The following SPAG6 variants were observed in gnomAD, a reference collection of about 807,000 sequenced individuals.
SPAG6 encodes the protein sperm associated antigen 6, also known as sperm-associated antigen 6.
A neutral mutation model predicts 58.5 loss-of-function variants in SPAG6; 49 were observed. The ratio of observed to expected loss-of-function variants is 0.84; its 90% CI spans 0.67 to 1.06. SPAG6 has a LOEUF of 1.06. Among genes scored for constraint, SPAG6 ranks in the 50% least tolerant of loss-of-function variants. The pLI, the probability that SPAG6 is intolerant of heterozygous loss-of-function variation, is 0.00. For missense variants in SPAG6, 560 were observed against 611.3 expected, an observed-to-expected ratio of 0.92 and a Z score of 0.89; for synonymous variants, 233 against 225.6, an observed-to-expected ratio of 1.03 and a Z score of -0.29.
chr10:22,362,145 G>GTA (rs1048598560), intron 2 of SPAG6, among the ~76,000 whole-genome samples: 4 of 141,686 alleles, frequency 2.8e-5, no homozygotes, highest in African/African-American at 1.0e-4. Context: ...TTTATTTTAT[G>GTA]TATATATATT....
chr10:22,414,648 A>G (rs996700770), intron 10 of SPAG6, among the ~76,000 whole-genome samples: 2 of 152,204 alleles, frequency 1.3e-5, no homozygotes, highest in Non-Finnish European at 2.9e-5. Context: ...AATTTTTAAT[A>G]TTGAATTTAA....
At chr10:22,408,875 T>G (rs1834637725) in intron 9 of SPAG6, among the ~76,000 whole-genome samples, 1 of 152,194 alleles carries the variant, frequency 6.6e-6, no homozygotes, top group South Asian at 2.1e-4. Flanking sequence ...AAGCACAGTA[T>G]TTGGGTGGGA....
chr10:22,402,139 C>T lies in SPAG6; in HGVS notation c.1314+862C>T, dbSNP rs1414689665. ...AATTAGAGTACTTATTTCATAGGGT[C>T]ATTGTAAAGAGTAAATGAGATATTG... is the stretch of plus-strand genomic sequence containing the variant. On this transcript the variant is annotated intron_variant, in intron 9 of 10. Coordinates refer to ENST00000376624, the MANE Select transcript of SPAG6 (RefSeq NM_012443.4). Among the ~76,000 whole-genome samples, 3 of 152,080 alleles carry T rather than the reference C, an allele frequency of 2.0e-5. No individual in the cohort carries two copies. In the South Asian group the frequency reaches 6.2e-4, roughly 32 times the overall value.
chr10:22,390,560 A>G (rs536602808), intron 7 of SPAG6, among the ~76,000 whole-genome samples: 1 of 152,318 alleles, frequency 6.6e-6, no homozygotes, highest in South Asian at 2.1e-4. Flanking sequence ...CTTTACATTT[A>G]AATAGTAATT....
chr10:22,408,952 C>G (rs916525434), intron 9 of SPAG6, among the ~76,000 whole-genome samples: 7 of 152,214 alleles, frequency 4.6e-5, no homozygotes, highest in African/African-American at 1.7e-4. Flanking sequence ...CTCCCTGACC[C>G]CTTGCGCTTC....
chr10:22,394,148 T>A (rs1048940571), intron 8 of SPAG6, among the ~76,000 whole-genome samples: 1 of 152,242 alleles, frequency 6.6e-6, no homozygotes, highest in African/African-American at 2.4e-5. Context: ...CAAGTTCTTA[T>A]GAAATGTATG....
At chr10:22,384,896 A>T (rs544105382) in intron 4 of SPAG6, among the ~76,000 whole-genome samples, 7 of 152,264 alleles carry the variant, frequency 4.6e-5, no homozygotes, top group Non-Finnish European at 8.8e-5. Context: ...GATAGATAAT[A>T]GATGTTTTTT....
At position 22,345,882 on chromosome 10, in the gene SPAG6, C is replaced by T; in HGVS notation, c.121+64C>T. ...CTGAGTCCCCGACGCCTCCGCCCCG[C>T]TGCCCTGCCCGTGGAGCTCTTGGGG... On this transcript the variant is annotated intron_variant, in intron 2 of 10. Coordinates refer to ENST00000376624, the MANE Select transcript of SPAG6 (RefSeq NM_012443.4). This position sits in a 1 kb window ranked among gnomAD's most constrained non-coding sequence, Gnocchi z 6.3. 1 of 1,580,286 alleles carries T rather than the reference C, an allele frequency of 6.3e-7. No individual in the cohort carries two copies.
chr10:22,405,203 C>CT (rs1247970852), intron 9 of SPAG6, among the ~76,000 whole-genome samples: 1 of 151,620 alleles, frequency 6.6e-6, no homozygotes, highest in East Asian at 1.9e-4. Context: ...GAGGGCATCC[C>CT]TGTCTTGTGC....
At chr10:22,367,837 T>C (rs1294809072) in intron 3 of SPAG6, among the ~76,000 whole-genome samples, 3 of 151,266 alleles carry the variant, frequency 2.0e-5, no homozygotes, top group African/African-American at 7.4e-5. Flanking sequence ...AAATGGTAAG[T>C]AATTTGCTTT....
Position 22,345,788 on chromosome 10 carries a change from C to T in SPAG6, c.91C>T (p.Pro31Ser), listed in dbSNP as rs777963481. ...GATGGTGGCGGAGCTGGCGACTAGACCCCAAAACATCGAGACGCTGCAGAA... is the reference window on the plus strand; with the variant it reads ...GATGGTGGCGGAGCTGGCGACTAGATCCCAAAACATCGAGACGCTGCAGAA... ...VQMVAELATR[P>S]QNIETLQNAG... The change falls in exon 2 of 11, where the codon CCC becomes TCC. Residue 31 changes from proline (P) to serine (S), a missense_variant. Pro to Ser is a moderately conservative substitution (Grantham distance 74). Coordinates refer to ENST00000376624, the MANE Select transcript of SPAG6 (RefSeq NM_012443.4). This position sits in a 1 kb window ranked among gnomAD's most constrained non-coding sequence, Gnocchi z 6.3. 2 of 1,613,558 alleles carry T rather than the reference C, an allele frequency of 1.2e-6. No homozygotes were observed. Among genetic ancestry groups the T allele is most frequent in the African/African-American group, 2.7e-5 (2 of 74,882 alleles).
At position 22,409,660 on chromosome 10, in the gene SPAG6, A is replaced by G. The variant is rs576323345; in HGVS notation, c.1315-1371A>G. ...AGTGAAAAGAGCTGGTCCTTGCAGA[A>G]GGAACAAGATCAGAAAAAAAGAGCG... On this transcript the variant is annotated intron_variant, in intron 9 of 10. Coordinates refer to ENST00000376624, the MANE Select transcript of SPAG6 (RefSeq NM_012443.4). 4.6e-5 allele frequency among the ~76,000 whole-genome samples: 7 copies of G among 152,356 alleles called. No homozygotes were observed. The South Asian group carries it at 1.4e-3, about 32-fold the overall frequency.
intron 2 of SPAG6, among the ~76,000 whole-genome samples, chr10:22,347,662 C>T (rs1414392191): frequency 6.6e-6 from 1 of 152,104 alleles, no homozygotes; most frequent in East Asian, 1.9e-4. Flanking sequence ...TTAGCTCCTC[C>T]CATAAGAGTG....
intron 2 of SPAG6, among the ~76,000 whole-genome samples, chr10:22,353,551 T>C (rs1485023574): frequency 1.3e-5 from 2 of 152,218 alleles, no homozygotes; most frequent in East Asian, 1.9e-4. Flanking sequence ...ATATTACCCA[T>C]TTTGCTTTTA....
At chr10:22,406,337 G>A (rs1834553619) in intron 9 of SPAG6, among the ~76,000 whole-genome samples, 1 of 151,890 alleles carries the variant, frequency 6.6e-6, no homozygotes, top group African/African-American at 2.4e-5. Context: ...GGTATGTTGT[G>A]TCTTTGTTCT....
At position 22,345,892 on chromosome 10, in the gene SPAG6, C is replaced by A; in HGVS notation, c.121+74C>A. Reference sequence around the variant, plus strand: ...GACGCCTCCGCCCCGCTGCCCTGCCCGTGGAGCTCTTGGGGAGCCGCAGTG... The same window carrying A: ...GACGCCTCCGCCCCGCTGCCCTGCCAGTGGAGCTCTTGGGGAGCCGCAGTG... On this transcript the variant is annotated intron_variant, in intron 2 of 10. Transcript: ENST00000376624. This position sits in a 1 kb window ranked among gnomAD's most constrained non-coding sequence, Gnocchi z 6.3. 6.3e-7 allele frequency: 1 copy of A among 1,579,020 alleles called. No individual in the cohort carries two copies. Among genetic ancestry groups the A allele is most frequent in the South Asian group, 1.2e-5 (1 of 86,922 alleles).
intron 10 of SPAG6, chr10:22,412,763 G>T: frequency 4.0e-6 from 1 of 247,584 alleles, no homozygotes; most frequent in Non-Finnish European, 7.8e-6. Context: ...AGTAGAGACA[G>T]GGTTTCACCA....
intron 8 of SPAG6, among the ~76,000 whole-genome samples, chr10:22,395,575 A>G (rs527238639): frequency 1.4e-4 from 21 of 152,118 alleles, no homozygotes; most frequent in African/African-American, 4.8e-4. Context: ...AAACTGGGTT[A>G]TTTATCTTTT....
chr10:22,356,666 A>C (rs1836877363), intron 2 of SPAG6, among the ~76,000 whole-genome samples: 1 of 152,244 alleles, frequency 6.6e-6, no homozygotes, highest in African/African-American at 2.4e-5. Flanking sequence ...AGAAACTTGG[A>C]AATATCACTG....
Sources: allele counts gnomAD v4.1 joint callset (sites outside exome capture counted in the v4.1 genomes callset), GRCh38; gene constraint gnomAD v4.1.1; non-coding constraint Gnocchi (gnomAD v3.1); transcripts MANE v1.5; gene names NCBI Gene and HGNC (gene_info 2026-07-23, HGNC 2026-07-21).